Variants in PDE7A observed in about 807,000 individuals in gnomAD.
The protein encoded by PDE7A is high affinity 3',5'-cyclic-AMP phosphodiesterase 7A.
In PDE7A, 39 loss-of-function variants were observed where a neutral mutation model predicts 64.3. The ratio of observed to expected loss-of-function variants is 0.61; its 90% CI spans 0.47 to 0.79. The LOEUF is 0.79. Ranked by LOEUF, PDE7A falls within the 30% of genes least tolerant of loss-of-function variation. PDE7A has a pLI of 0.00. For synonymous variants in PDE7A, 203 were observed against 206.8 expected, an observed-to-expected ratio of 0.98 and a Z score of 0.16; for missense variants, 470 against 582.8, an observed-to-expected ratio of 0.81 and a Z score of 1.99.
chr8:65,831,986 A>G (rs1249231341), intron 1 of PDE7A, among the ~76,000 whole-genome samples: 1 of 152,224 alleles, frequency 6.6e-6, no homozygotes, highest in East Asian at 1.9e-4. Context: ...TTTGGGATAC[A>G]TCTAGCTTTC....
rs1806139915 is a variant in PDE7A, at chr8:65,716,217, A to G, written c.*3073T>C. On this transcript the variant is annotated 3_prime_UTR_variant, in exon 13 of 13. Coordinates refer to ENST00000401827, the MANE Select transcript of PDE7A (RefSeq NM_001242318.3). ...ATATACATAATAAAACAACTTTTCA[A>G]TGGGTTTATTATATGTGTAGGCAGG... 6.6e-6 allele frequency among the ~76,000 whole-genome samples: 1 copy of G among 151,818 alleles called. No homozygotes were observed. The highest frequency in any genetic ancestry group is 2.4e-5 in the African/African-American group (1 of 41,338).
At chr8:65,837,188 A>ATAAT (rs1459558757) in intron 1 of PDE7A, among the ~76,000 whole-genome samples, 4 of 152,242 alleles carry the variant, frequency 2.6e-5, no homozygotes, top group Non-Finnish European at 4.4e-5. Flanking sequence ...CAGGACCTGG[A>ATAAT]TAATTTGTCA....
At chr8:65,793,241 A>G (rs527721406) in intron 1 of PDE7A, among the ~76,000 whole-genome samples, 1 of 152,308 alleles carries the variant, frequency 6.6e-6, no homozygotes, top group South Asian at 2.1e-4. Context: ...AGTAGCCAAC[A>G]AGACTCTTCA....
At chr8:65,801,629 ATAAG>A (rs1244877456) in intron 1 of PDE7A, among the ~76,000 whole-genome samples, 1 of 152,240 alleles carries the variant, frequency 6.6e-6, no homozygotes, top group Non-Finnish European at 1.5e-5. Context: ...TGAATCAAAA[ATAAG>A]TAAATAAATA....
chr8:65,804,394 T>C lies in PDE7A; in HGVS notation c.139-21551A>G, dbSNP rs546969305. On this transcript the variant is annotated intron_variant, in intron 1 of 12. Transcript: ENST00000401827. ...CCATCCCAAGAAAGTCGTGTCAACT[T>C]TAACATCTCTAAAACATAGGTATAA... 3.3e-5 allele frequency among the ~76,000 whole-genome samples: 5 copies of C among 152,250 alleles called. No individual in the cohort carries two copies. The East Asian group carries it at 7.7e-4, about 24-fold the overall frequency.
intron 1 of PDE7A, among the ~76,000 whole-genome samples, chr8:65,785,768 T>A (rs1299399064): frequency 6.6e-6 from 1 of 152,212 alleles, no homozygotes; most frequent in Non-Finnish European, 1.5e-5. Flanking sequence ...AAATAACTTG[T>A]TAAAATAAAT....
chr8:65,840,178 T>C (rs1811045903), intron 1 of PDE7A, among the ~76,000 whole-genome samples: 1 of 152,196 alleles, frequency 6.6e-6, no homozygotes, highest in South Asian at 2.1e-4. Context: ...TTATTCTAAA[T>C]GACACATTAT....
chr8:65,807,006 T>A lies in PDE7A; in HGVS notation c.139-24163A>T, dbSNP rs182031394. Among the ~76,000 whole-genome samples, 55 of 152,352 alleles carry A rather than the reference T, an allele frequency of 3.6e-4. 1 individual carries two copies. Among genetic ancestry groups the A allele is most frequent in the Admixed American group, 3.2e-3 (49 of 15,302 alleles). ...TACTTTGTTCTTTGTTTCAAGATTG[T>A]TTGTGTTATTTTGGGTCCCTTGCAA... On this transcript the variant is annotated intron_variant, in intron 1 of 12. Transcript: ENST00000401827.
At chr8:65,789,043 G>A (rs1809633577) in intron 1 of PDE7A, 4 of 1,519,008 alleles carry the variant, frequency 2.6e-6, no homozygotes, top group South Asian at 2.6e-5. Flanking sequence ...AGGCAAAAGA[G>A]AGGGGACACT....
rs1333731052 is a variant in PDE7A, at chr8:65,719,450, C to G, written c.1289G>C (p.Arg430Thr). The G allele has an allele frequency of 6.2e-7, 1 of 1,614,112 alleles. No homozygotes were observed. Among genetic ancestry groups the G allele is most frequent in the Admixed American group, 1.7e-5 (1 of 60,028 alleles). The part of the protein sequence containing the change: ...LVEPLFTEWA[R>T]FSNTRLSQTM... ...CTGGGATAGCCTTGTATTGGAAAAC[C>G]TGGCCCATTCTGTAAATAAAGGCTC... The change falls in exon 13 of 13, where the codon AGG becomes ACG. Residue 430 changes from arginine (R) to threonine (T), a missense_variant. Arg to Thr is a moderately conservative substitution (Grantham distance 71). Coordinates refer to ENST00000401827, the MANE Select transcript of PDE7A (RefSeq NM_001242318.3).
intron 1 of PDE7A, among the ~76,000 whole-genome samples, chr8:65,816,027 C>A (rs1810391166): frequency 6.6e-6 from 1 of 152,106 alleles, no homozygotes; most frequent in African/African-American, 2.4e-5. Flanking sequence ...ATGCCACTCT[C>A]CTACTTCATT....
At chr8:65,814,568 C>T (rs201602602) in intron 1 of PDE7A, among the ~76,000 whole-genome samples, 1 of 122,110 alleles carries the variant, frequency 8.2e-6, no homozygotes. Flanking sequence ...ATAATACGTA[C>T]ACATATAATA....
At chr8:65,803,869 T>C (rs976814031) in intron 1 of PDE7A, among the ~76,000 whole-genome samples, 3 of 152,148 alleles carry the variant, frequency 2.0e-5, no homozygotes, top group African/African-American at 4.8e-5. Context: ...TTGGGAACCA[T>C]AGGACAGAGG....
intron 1 of PDE7A, among the ~76,000 whole-genome samples, chr8:65,832,591 C>T (rs1172211575): frequency 6.6e-6 from 1 of 152,164 alleles, no homozygotes; most frequent in Non-Finnish European, 1.5e-5. Context: ...CTCAAGAGAT[C>T]CTCCCACCAC....
rs1213815307 is a variant in PDE7A, at chr8:65,825,846, C to T, written c.138+15525G>A. Among the ~76,000 whole-genome samples the T allele has an allele frequency of 5.9e-5, 9 of 151,944 alleles. No individual in the cohort carries two copies. The South Asian group carries it at 6.2e-4, about 11-fold the overall frequency. ...TGTTGGCTGACCACATATTCAATGG[C>T]GGTGAAGGTGGGGGGTGAGGCGGAG... On this transcript the variant is annotated intron_variant, in intron 1 of 12. Coordinates refer to ENST00000401827, the MANE Select transcript of PDE7A (RefSeq NM_001242318.3).
intron 7 of PDE7A, among the ~76,000 whole-genome samples, chr8:65,730,167 A>ACCT (rs1806797142): frequency 3.4e-5 from 1 of 29,172 alleles, no homozygotes. Context: ...CAGGTTGCGC[A>ACCT]CTTCTTTTTT....
chr8:65,789,072 G>A (rs1233907701), intron 1 of PDE7A: 3 of 1,422,002 alleles, frequency 2.1e-6, no homozygotes, highest in Non-Finnish European at 2.8e-6. Context: ...TGGACCTCAA[G>A]CAGCTGCCTT....
chr8:65,727,136 AAAT>A, intron 8 of PDE7A, 31 bp downstream of exon 8: 3 of 1,312,640 alleles, frequency 2.3e-6, no homozygotes, highest in Non-Finnish European at 3.3e-6. Flanking sequence ...TAGAATGCAA[AAAT>A]AATAAATCTT....
At chr8:65,756,565 A>G (rs879649955) in intron 3 of PDE7A, among the ~76,000 whole-genome samples, 3 of 151,974 alleles carry the variant, frequency 2.0e-5, no homozygotes, top group Non-Finnish European at 4.4e-5. Flanking sequence ...CTACTTTTCA[A>G]TTCTAGAATT....
Sources: allele counts gnomAD v4.1 joint callset (sites outside exome capture counted in the v4.1 genomes callset), GRCh38; gene constraint gnomAD v4.1.1; transcripts MANE v1.5; gene names NCBI Gene and HGNC (gene_info 2026-07-23, HGNC 2026-07-21).